NDRG2: variants seen among roughly 807,000 people sequenced by gnomAD.
NDRG2 encodes the protein NDRG family member 2.
In NDRG2, 34 loss-of-function variants were observed where a neutral mutation model predicts 58.2. The ratio of observed to expected loss-of-function variants is 0.58; its 90% CI spans 0.44 to 0.78. NDRG2 has a LOEUF of 0.78. NDRG2 is among the 30% of genes least tolerant of loss of function. The pLI is 0.00. For synonymous variants in NDRG2, 187 were observed against 175.9 expected (o/e 1.06, Z -0.50); for missense variants, 434 against 471.2 (o/e 0.92, Z 0.73).
At chr14:21,061,898 A>ATAAAT (rs1254502463) in intron 1 of NDRG2, among the ~76,000 whole-genome samples, 1 of 152,244 alleles carries the variant, frequency 6.6e-6, no homozygotes, top group African/African-American at 2.4e-5. Flanking sequence ...AAAGGTTTTT[A>ATAAAT]AGTATTCAGG....
chr14:21,022,240 G>A (rs912920668), intron 4 of NDRG2, 58 bp from the exon 5 acceptor site: 2 of 1,612,466 alleles, frequency 1.2e-6, no homozygotes, highest in African/African-American at 1.3e-5. Context: ...GTGTCCCCCA[G>A]TCAGAACTCA....
intron 6 of NDRG2, chr14:21,021,234 AT>A: frequency 2.6e-6 from 1 of 386,506 alleles, no homozygotes; most frequent in Non-Finnish European, 5.1e-6. Context: ...CTTAAAGCAA[AT>A]GTGAAAACAG....
chr14:21,039,344 T>C (rs1884787776), intron 1 of NDRG2, among the ~76,000 whole-genome samples: 1 of 152,240 alleles, frequency 6.6e-6, no homozygotes, highest in Non-Finnish European at 1.5e-5. Flanking sequence ...GACGATAGAA[T>C]GAGAAGGAAG....
intron 1 of NDRG2, among the ~76,000 whole-genome samples, chr14:21,054,303 G>A (rs1010876013): frequency 2.7e-5 from 4 of 149,868 alleles, no homozygotes; most frequent in African/African-American, 7.4e-5. Context: ...GTAAGGAGAT[G>A]TTTTTAGATA....
intron 4 of NDRG2, 34 bp from the exon 5 acceptor site, chr14:21,022,216 T>C: frequency 6.2e-7 from 1 of 1,613,976 alleles, no homozygotes; most frequent in Non-Finnish European, 8.5e-7. Context: ...AACAATAGAA[T>C]CAGACAGGGA....
chr14:21,057,359 C>G (rs1201898230), intron 1 of NDRG2, among the ~76,000 whole-genome samples: 2 of 151,748 alleles, frequency 1.3e-5, no homozygotes, highest in African/African-American at 4.8e-5. Flanking sequence ...TTGCTTGAAC[C>G]TGGGAGGCAG....
chr14:21,021,678 G>A, intron 6 of NDRG2, 139 bp downstream of exon 6: 1 of 940,004 alleles, frequency 1.1e-6, no homozygotes, highest in East Asian at 2.7e-5. Context: ...CAATAATCAA[G>A]GCGGGAGCAT....
chr14:21,021,304 G>T, intron 6 of NDRG2: 1 of 359,776 alleles, frequency 2.8e-6, no homozygotes, highest in South Asian at 2.2e-5. Context: ...TGGTGAACCA[G>T]AGCTGCTGAG....
At chr14:21,059,060 C>T (rs1350869524) in intron 1 of NDRG2, among the ~76,000 whole-genome samples, 1 of 152,186 alleles carries the variant, frequency 6.6e-6, no homozygotes, top group African/African-American at 2.4e-5. Context: ...CTCTGGTGGC[C>T]CCCTCTCATG....
chr14:21,063,182 T>C (rs1482376259), intron 1 of NDRG2, among the ~76,000 whole-genome samples: 1 of 151,852 alleles, frequency 6.6e-6, no homozygotes, highest in Non-Finnish European at 1.5e-5. Flanking sequence ...ACCAGTTTCT[T>C]CAGTAAATTA....
At position 21,020,810 on chromosome 14, in the gene NDRG2, C is replaced by T; in HGVS notation, c.442G>A (p.Gly148Arg). Residue 148 changes from glycine to arginine, a missense_variant, in exon 7 of 16, where the codon GGA becomes AGA. Coordinates refer to ENST00000556147, the MANE Select transcript of NDRG2 (RefSeq NM_001320329.2). Reference sequence around the variant, plus strand: ...GCATATCTCGCCAGGATGTAGGCTCCAGCTCCAACACCAACTCCAATTATT... The same window carrying T: ...GCATATCTCGCCAGGATGTAGGCTCTAGCTCCAACACCAACTCCAATTATT... Reference protein sequence around the residue: ...STIIGVGVGAGAYILARYALN... With the variant: ...STIIGVGVGARAYILARYALN... 1 of 1,613,920 alleles carries T rather than the reference C, an allele frequency of 6.2e-7. No individual in the cohort carries two copies. The highest frequency in any genetic ancestry group is 8.5e-7 in the Non-Finnish European group (1 of 1,179,996).
upstream of NDRG2, chr14:21,028,797 G>C (rs756753214): frequency 2.0e-5 from 3 of 152,130 alleles, no homozygotes; most frequent in Non-Finnish European, 4.4e-5. Flanking sequence ...CCAACTATGA[G>C]ATGATAAGAA....
upstream of NDRG2, among the ~76,000 whole-genome samples, chr14:21,027,900 A>C (rs1254513640): frequency 2.0e-5 from 3 of 152,236 alleles, no homozygotes; most frequent in Non-Finnish European, 4.4e-5. Context: ...ATCCAGGCAC[A>C]GAGAGAGCAT....
upstream of NDRG2, chr14:21,030,847 C>T: frequency 6.6e-7 from 1 of 1,518,716 alleles, no homozygotes; most frequent in East Asian, 2.3e-5. Flanking sequence ...TTGCAGTGGG[C>T]CTACCAAGCA....
At chr14:21,068,361 A>G (rs1886399101) in intron 1 of NDRG2, among the ~76,000 whole-genome samples, 1 of 151,454 alleles carries the variant, frequency 6.6e-6, no homozygotes, top group African/African-American at 2.4e-5. Flanking sequence ...GAGTTTGTGG[A>G]CCCCCATAGC....
chr14:21,031,241 C>A, intron 1 of NDRG2: 3 of 1,542,602 alleles, frequency 1.9e-6, no homozygotes, highest in South Asian at 1.3e-5. Flanking sequence ...CCTAACCCTG[C>A]CAACTGTGTG....
At chr14:21,034,233 A>C in intron 1 of NDRG2, 1 of 1,614,086 alleles carries the variant, frequency 6.2e-7, no homozygotes, top group Non-Finnish European at 8.5e-7. Flanking sequence ...GTCCATGACC[A>C]GAGTTGGCCC....
Position 21,016,926 on chromosome 14 carries a change from G to C in NDRG2, c.*670C>G. 2.2e-6 allele frequency: 1 copy of C among 456,578 alleles called. No homozygotes were observed. Among genetic ancestry groups the C allele is most frequent in the Non-Finnish European group, 4.4e-6 (1 of 226,776 alleles). 28.3% of individuals were successfully genotyped at this position (456,578 alleles called of 1,614,324 possible). On this transcript the variant is annotated 3_prime_UTR_variant, in exon 16 of 16. Coordinates refer to ENST00000556147, the MANE Select transcript of NDRG2 (RefSeq NM_001320329.2). ...CAGCCCAAGCTTAGCTCCCTCCCCA[G>C]TCCCACTCTAGATGCACACTGAGCT... is the stretch of plus-strand genomic sequence containing the variant.
upstream of NDRG2, among the ~76,000 whole-genome samples, chr14:21,026,140 A>G (rs1883587187): frequency 6.6e-6 from 1 of 151,698 alleles, no homozygotes; most frequent in African/African-American, 2.4e-5. Context: ...GACTTTACAC[A>G]CACACGCACA....
Sources: allele counts gnomAD v4.1 joint callset (sites outside exome capture counted in the v4.1 genomes callset), GRCh38; gene constraint gnomAD v4.1.1; transcripts MANE v1.5; gene names NCBI Gene and HGNC (gene_info 2026-07-23, HGNC 2026-07-21).